Variants in IL12RB2 observed in about 807,000 individuals in gnomAD.
The protein encoded by IL12RB2 is interleukin 12 receptor subunit beta 2.
IL12RB2 carries 82 observed loss-of-function variants against 89.4 expected under a neutral mutation model. The observed-to-expected ratio is 0.92, with a 90% confidence interval of 0.77 to 1.10. The LOEUF is 1.10. Ranked by LOEUF, IL12RB2 falls within the 50% of genes least tolerant of loss-of-function variation. The pLI, the probability that IL12RB2 is intolerant of heterozygous loss-of-function variation, is 0.00. For synonymous variants in IL12RB2, 368 were observed against 370.1 expected (o/e 0.99, Z 0.07); for missense variants, 963 against 1,031.9 (o/e 0.93, Z 0.92).
intron 10 of IL12RB2, among the ~76,000 whole-genome samples, chr1:67,354,784 A>T (rs1295168486): frequency 6.6e-6 from 1 of 152,232 alleles, no homozygotes. Flanking sequence ...GTATACAGTC[A>T]TACTATTTAC....
chr1:67,335,715 TGTGAC>T (rs1202352452), intron 8 of IL12RB2, among the ~76,000 whole-genome samples: 1 of 152,212 alleles, frequency 6.6e-6, no homozygotes, highest in African/African-American at 2.4e-5. Flanking sequence ...TTAGTGACTC[TGTGAC>T]AGTTGAATGT....
intron 1 of IL12RB2, among the ~76,000 whole-genome samples, chr1:67,311,815 A>G (rs957304691): frequency 6.6e-6 from 1 of 152,180 alleles, no homozygotes. Flanking sequence ...GCCTCCAATT[A>G]TCTTAAGATA....
chr1:67,352,443 T>C (rs751545401), intron 10 of IL12RB2, among the ~76,000 whole-genome samples: 10 of 152,192 alleles, frequency 6.6e-5, no homozygotes, highest in Non-Finnish European at 1.5e-4. Flanking sequence ...GCCAAGGCTC[T>C]AGCTATTTCC....
At chr1:67,372,101 T>C (rs1663430754) in intron 11 of IL12RB2, among the ~76,000 whole-genome samples, 2 of 150,316 alleles carry the variant, frequency 1.3e-5, no homozygotes, top group Non-Finnish European at 3.0e-5. Flanking sequence ...TGTGTGTGGT[T>C]ATATTTAAAT....
intron 4 of IL12RB2, among the ~76,000 whole-genome samples, chr1:67,323,174 C>T (rs1400973014): frequency 6.6e-6 from 1 of 152,112 alleles, no homozygotes; most frequent in African/African-American, 2.4e-5. Context: ...AGGTGATTTT[C>T]CTGGAGGGCC....
chr1:67,388,973 G>A (rs975620699), intron 15 of IL12RB2, among the ~76,000 whole-genome samples: 1 of 151,982 alleles, frequency 6.6e-6, no homozygotes, highest in South Asian at 2.1e-4. Flanking sequence ...TAATTCAAAA[G>A]GAGTCAACTA....
intron 14 of IL12RB2, among the ~76,000 whole-genome samples, chr1:67,383,582 G>C (rs1664831201): frequency 1.3e-5 from 2 of 152,108 alleles, no homozygotes; most frequent in Admixed American, 1.3e-4. Flanking sequence ...GATATAAAGG[G>C]GGTACAGGCA....
chr1:67,313,451 A>G (rs985293804), intron 1 of IL12RB2, among the ~76,000 whole-genome samples: 5 of 152,212 alleles, frequency 3.3e-5, no homozygotes, highest in African/African-American at 9.7e-5. Flanking sequence ...TGTTAAGATT[A>G]GCATTATTTT....
Position 67,372,603 on chromosome 1 carries a change from C to A in IL12RB2, c.1559-22C>A. On this transcript the variant is annotated intron_variant, in intron 12 of 16. Transcript: ENST00000674203. ...ATTTGGATTTGGAGGGTGACAGAAG[C>A]CTCCTGTGCCCTACTTTACAGCACC... 4 of 1,612,462 alleles carry A rather than the reference C, an allele frequency of 2.5e-6. No homozygotes were observed. The South Asian group carries it at 3.3e-5, about 13-fold the overall frequency.
intron 9 of IL12RB2, among the ~76,000 whole-genome samples, chr1:67,342,384 G>A (rs1659734332): frequency 6.6e-6 from 1 of 152,170 alleles, no homozygotes; most frequent in Admixed American, 6.5e-5. Context: ...TCTTGCATAT[G>A]GGGAAATGTG....
intron 5 of IL12RB2, 71 bp from the exon 6 acceptor site, chr1:67,328,129 G>A: frequency 1.9e-6 from 2 of 1,038,410 alleles, no homozygotes; most frequent in Non-Finnish European, 3.1e-6. Context: ...TAAACATTTT[G>A]TTCTTTTCTA....
At chr1:67,327,780 C>G (rs188014770) in intron 5 of IL12RB2, among the ~76,000 whole-genome samples, 66 of 152,298 alleles carry the variant, frequency 4.3e-4, no homozygotes, top group Admixed American at 1.2e-3. Flanking sequence ...TATTGACACG[C>G]GGGTCTCAGT....
chr1:67,386,774 T>G (rs1230658342), intron 15 of IL12RB2, 105 bp downstream of exon 15: 2 of 814,834 alleles, frequency 2.5e-6, no homozygotes, highest in Non-Finnish European at 2.2e-6. Flanking sequence ...ACATTCCTGG[T>G]GAGAGACTAA....
In IL12RB2 at chr1:67,397,223, G is replaced by C. The variant is rs1160605618; in HGVS notation, c.*1134G>C. 6.6e-6 allele frequency among the ~76,000 whole-genome samples: 1 copy of C among 152,056 alleles called. No individual in the cohort carries two copies. The highest frequency in any genetic ancestry group is 1.5e-5 in the Non-Finnish European group (1 of 68,012). On this transcript the variant is annotated 3_prime_UTR_variant, in exon 17 of 17. Transcript: ENST00000674203. ...ATCCTCTTTCAGCAAATCAAGGGCA[G>C]CTGGATGGTGAAGACCTATATTGTA...
At chr1:67,350,146 A>G (rs900070714) in intron 9 of IL12RB2, among the ~76,000 whole-genome samples, 4 of 152,236 alleles carry the variant, frequency 2.6e-5, no homozygotes, top group African/African-American at 9.6e-5. Flanking sequence ...GGCACCGCCA[A>G]TGCTAGACTT....
At chr1:67,356,130 G>A (rs1344896839) in intron 10 of IL12RB2, among the ~76,000 whole-genome samples, 1 of 152,158 alleles carries the variant, frequency 6.6e-6, no homozygotes, top group African/African-American at 2.4e-5. Flanking sequence ...TGAAGACAAG[G>A]AACCATTGCT....
intron 1 of IL12RB2, among the ~76,000 whole-genome samples, chr1:67,311,070 T>G (rs1051222539): frequency 6.6e-6 from 1 of 152,164 alleles, no homozygotes; most frequent in African/African-American, 2.4e-5. Context: ...GAACTTAGGC[T>G]GAGTGGTCAA....
At chr1:67,395,106 A>G (rs769753365) in intron 16 of IL12RB2, among the ~76,000 whole-genome samples, 4 of 152,116 alleles carry the variant, frequency 2.6e-5, no homozygotes, top group Admixed American at 6.5e-5. Context: ...TGTCTCTACT[A>G]AAAATATAAA....
At chr1:67,367,688 G>C in intron 10 of IL12RB2, 137 bp from the exon 11 acceptor site, 1 of 697,802 alleles carries the variant, frequency 1.4e-6, no homozygotes, top group South Asian at 1.6e-5. Flanking sequence ...TTAAATCTGT[G>C]ACTCCAAAGT....
Sources: allele counts gnomAD v4.1 joint callset (sites outside exome capture counted in the v4.1 genomes callset), GRCh38; gene constraint gnomAD v4.1.1; transcripts MANE v1.5; gene names NCBI Gene and HGNC (gene_info 2026-07-23, HGNC 2026-07-21).